Variants in BCR observed in about 807,000 individuals in gnomAD.
BCR encodes breakpoint cluster region protein.
Under a neutral mutation model 138.6 loss-of-function variants are expected in BCR, and 58 were observed. The ratio of observed to expected loss-of-function variants is 0.42; its 90% CI spans 0.34 to 0.52. The LOEUF is 0.52. Among genes scored for constraint, BCR ranks in the 20% least tolerant of loss-of-function variants. The pLI, the probability that BCR is intolerant of heterozygous loss-of-function variation, is 0.06. For missense variants in BCR, 1,599 were observed against 1,727.2 expected (o/e 0.93, Z 1.32); for synonymous variants, 786 against 730.1 (o/e 1.08, Z -1.23).
At chr22:23,247,218 C>G (rs1193223797) in intron 1 of BCR, among the ~76,000 whole-genome samples, 1 of 152,204 alleles carries the variant, frequency 6.6e-6, no homozygotes, top group African/African-American at 2.4e-5. Flanking sequence ...CAGCTGCAGC[C>G]ATGACAGGGT....
At chr22:23,221,356 C>T (rs1007430341) in intron 1 of BCR, among the ~76,000 whole-genome samples, 15 of 152,132 alleles carry the variant, frequency 9.9e-5, no homozygotes, top group Non-Finnish European at 2.9e-5. Flanking sequence ...AGGTTTTCTG[C>T]CCCATCCAGT....
intron 1 of BCR, 98 bp from the exon 2 acceptor site, chr22:23,253,701 G>A: frequency 7.0e-7 from 1 of 1,422,608 alleles, no homozygotes; most frequent in Non-Finnish European, 9.6e-7. Flanking sequence ...ATGCCTGTTG[G>A]GGACAGAGAT....
At chr22:23,208,398 T>C (rs1409357721) in intron 1 of BCR, among the ~76,000 whole-genome samples, 1 of 145,178 alleles carries the variant, frequency 6.9e-6, no homozygotes, top group African/African-American at 2.5e-5. Context: ...GTCATTGGGA[T>C]TTTTCATTTG....
At chr22:23,252,429 T>TTC (rs1401498953) in intron 1 of BCR, among the ~76,000 whole-genome samples, 1 of 137,992 alleles carries the variant, frequency 7.2e-6, no homozygotes, top group African/African-American at 2.7e-5. Context: ...TTTCTTTTCT[T>TTC]TTCTTTTTTT....
chr22:23,196,881 C>T (rs1328717294), intron 1 of BCR, among the ~76,000 whole-genome samples: 1 of 152,158 alleles, frequency 6.6e-6, no homozygotes, highest in African/African-American at 2.4e-5. Context: ...GCTCTGCGGC[C>T]CAGTTCCTAA....
At position 23,202,573 on chromosome 22, in the gene BCR, T is replaced by G. The variant is rs537384484; in HGVS notation, c.1279+20334T>G. ...CCATTCTACTTTCTATCTCTAGGAA[T>G]CTGACGACTCTAGAAACTTTATTTA... On this transcript the variant is annotated intron_variant, in intron 1 of 22. Coordinates refer to ENST00000305877, the MANE Select transcript of BCR (RefSeq NM_004327.4). Among the ~76,000 whole-genome samples, 7 of 152,324 alleles carry G rather than the reference T, an allele frequency of 4.6e-5. No homozygotes were observed. The South Asian group carries it at 1.5e-3, about 32-fold the overall frequency.
intron 1 of BCR, among the ~76,000 whole-genome samples, chr22:23,220,003 G>C (rs1157216324): frequency 6.6e-6 from 1 of 152,150 alleles, no homozygotes; most frequent in African/African-American, 2.4e-5. Flanking sequence ...CTTCTGACTC[G>C]AAGGACACGG....
chr22:23,288,761 C>T (rs1268266544), intron 12 of BCR, among the ~76,000 whole-genome samples: 2 of 152,232 alleles, frequency 1.3e-5, no homozygotes, highest in Non-Finnish European at 2.9e-5. Context: ...GGGGCAGCCC[C>T]TTCCTTCTCT....
intron 1 of BCR, among the ~76,000 whole-genome samples, chr22:23,209,797 A>AT (rs1202860084): frequency 6.6e-6 from 1 of 151,474 alleles, no homozygotes; most frequent in Non-Finnish European, 1.5e-5. Flanking sequence ...CGCCCAGCCT[A>AT]TTTTTTAATT....
At chr22:23,197,920 G>A (rs573183137) in intron 1 of BCR, among the ~76,000 whole-genome samples, 16 of 152,182 alleles carry the variant, frequency 1.1e-4, no homozygotes, top group Non-Finnish European at 1.6e-4. Flanking sequence ...GATGGTGAGC[G>A]CTGTGCTGGC....
chr22:23,313,129 G>A (rs931125927), intron 20 of BCR, 108 bp downstream of exon 20: 4 of 1,375,884 alleles, frequency 2.9e-6, no homozygotes, highest in African/African-American at 2.9e-5. Flanking sequence ...TGCCCCCTCT[G>A]CCATGGTCGG....
Position 23,293,346 on chromosome 22 carries a change from C to T in BCR, c.2880+708C>T, listed in dbSNP as rs1486333149. ...TCCTGCGAAGGAGGAAGCCAAGAGC[C>T]CCCAGGCTGCTTGGTCTACACGGGT... is the stretch of plus-strand genomic sequence containing the variant. On this transcript the variant is annotated intron_variant, in intron 15 of 22. Coordinates refer to ENST00000305877, the MANE Select transcript of BCR (RefSeq NM_004327.4). Among the ~76,000 whole-genome samples the T allele has an allele frequency of 2.6e-5, 4 of 152,114 alleles. No homozygotes were observed. The East Asian group carries it at 7.7e-4, about 29-fold the overall frequency.
intron 1 of BCR, among the ~76,000 whole-genome samples, chr22:23,239,516 T>G (rs2073064329): frequency 6.6e-6 from 1 of 152,166 alleles, no homozygotes; most frequent in Admixed American, 6.5e-5. Flanking sequence ...TCTGCCACTC[T>G]GAGTCTGGAA....
At chr22:23,309,859 A>C (rs553328240) in intron 17 of BCR, 187 of 340,096 alleles carry the variant, frequency 5.5e-4, no homozygotes, top group Middle Eastern at 2.7e-3. Flanking sequence ...CCCGGGTATA[A>C]ATGGTAAAAT....
At chr22:23,266,551 G>A (rs111464674) in intron 4 of BCR, among the ~76,000 whole-genome samples, 1 of 151,802 alleles carries the variant, frequency 6.6e-6, no homozygotes, top group Non-Finnish European at 1.5e-5. Context: ...CGTCACGCCC[G>A]TCTAATTTTT....
chr22:23,290,161 C>A, intron 13 of BCR, 178 bp from the exon 14 acceptor site: 1 of 689,774 alleles, frequency 1.4e-6, no homozygotes, highest in Non-Finnish European at 2.6e-6. Context: ...ATCCTGAGAT[C>A]CCCAAGACAG....
chr22:23,222,976 T>G (rs1568941018), intron 1 of BCR, among the ~76,000 whole-genome samples: 1 of 152,168 alleles, frequency 6.6e-6, no homozygotes, highest in Non-Finnish European at 1.5e-5. Flanking sequence ...AGATAAGGGC[T>G]CCCTGCTTCA....
Position 23,314,071 on chromosome 22 carries a change from A to G in BCR, c.3561A>G (p.Lys1187=). 6.2e-7 allele frequency: 1 copy of G among 1,612,442 alleles called. No homozygotes were observed. Among genetic ancestry groups the G allele is most frequent in the Admixed American group, 1.7e-5 (1 of 60,010 alleles). The part of the protein sequence containing the change: ...LTFLFLLDHL[K]RVAEKEAVNK... ...TCCTTTTCCTTCTGGACCACCTGAA[A>G]AGGTAGCCCAGCTCTCCCATGGCAG... Residue 1187 remains lysine, a splice_region_variant and synonymous_variant, in exon 21 of 23, where the codon AAA becomes AAG. Transcript: ENST00000305877.
intron 4 of BCR, among the ~76,000 whole-genome samples, chr22:23,265,435 T>G (rs2073428814): frequency 6.6e-6 from 1 of 152,190 alleles, no homozygotes; most frequent in African/African-American, 2.4e-5. Flanking sequence ...GGACAAGTCT[T>G]AGGACCAAAG....
Sources: allele counts gnomAD v4.1 joint callset (sites outside exome capture counted in the v4.1 genomes callset), GRCh38; gene constraint gnomAD v4.1.1; transcripts MANE v1.5; gene names NCBI Gene and HGNC (gene_info 2026-07-23, HGNC 2026-07-21).